USP40: variants seen among roughly 807,000 people sequenced by gnomAD.
USP40 encodes ubiquitin specific peptidase 40, also known as ubiquitin carboxyl-terminal hydrolase 40.
Under a neutral mutation model 166.2 loss-of-function variants are expected in USP40, and 143 were observed. That is an observed-to-expected ratio of 0.86 (90% confidence interval 0.75 to 0.99). USP40 has a LOEUF of 0.99. Among genes scored for constraint, USP40 ranks in the 50% least tolerant of loss-of-function variants. The pLI is 0.00. For synonymous variants in USP40, 498 were observed against 524.0 expected (o/e 0.95, Z 0.68); for missense variants, 1,444 against 1,479.7 (o/e 0.98, Z 0.40).
intron 18 of USP40, among the ~76,000 whole-genome samples, chr2:233,517,626 G>A (rs1162358896): frequency 1.3e-5 from 2 of 151,856 alleles, no homozygotes; most frequent in African/African-American, 4.8e-5. Context: ...TGACCTTGTG[G>A]TCTCCCCGCC....
intron 30 of USP40, 94 bp downstream of exon 30, chr2:233,485,437 A>T: frequency 1.0e-6 from 1 of 969,850 alleles, no homozygotes; most frequent in Non-Finnish European, 1.6e-6. Flanking sequence ...AAAATGGGAT[A>T]ATCTGTGTCT....
chr2:233,501,255 G>GCA, intron 21 of USP40, among the ~76,000 whole-genome samples: 2 of 152,304 alleles, frequency 1.3e-5, no homozygotes, highest in South Asian at 4.1e-4. Flanking sequence ...GAAACAGCAA[G>GCA]AAGGCCAGTG....
intron 30 of USP40, among the ~76,000 whole-genome samples, chr2:233,482,460 G>A (rs534256993): frequency 1.1e-4 from 16 of 152,192 alleles, no homozygotes; most frequent in African/African-American, 3.6e-4. Context: ...ACCTATGGGC[G>A]AGTTATTCTA....
intron 3 of USP40, chr2:233,560,749 C>T: frequency 2.5e-6 from 1 of 398,220 alleles, no homozygotes; most frequent in East Asian, 3.8e-5. Context: ...ATAATTAACT[C>T]ATTACTCAAT....
At position 233,477,452 on chromosome 2, in the gene USP40, C is replaced by T. The variant is rs192383732; in HGVS notation, c.3651G>A (p.Thr1217=). The T allele has an allele frequency of 2.8e-4, 456 of 1,613,726 alleles. 1 individual carries two copies. The Admixed American group carries it at 6.9e-3, about 25-fold the overall frequency. The change falls in exon 32 of 32, where the codon ACG becomes ACA. Residue 1217 remains threonine, a synonymous_variant. Coordinates refer to ENST00000678225, the MANE Select transcript of USP40 (RefSeq NM_001365479.2). ...TTTCCGGGGCTCGGGGCCGGGCAGG[C>T]GTCTCTGCACTGGAGAGGATGTAGC... is the stretch of plus-strand genomic sequence containing the variant. ...QSSYILSSAE[T]PARPRAPETS...
chr2:233,505,542 T>C (rs926163857), intron 21 of USP40, among the ~76,000 whole-genome samples: 6 of 152,144 alleles, frequency 3.9e-5, no homozygotes, highest in African/African-American at 1.4e-4. Flanking sequence ...GAGACTATTA[T>C]GAACAACTAC....
rs2070523217 is a variant in USP40 at position 233,551,218 on chromosome 2, C to A, written c.837+158G>T. 2.0e-5 allele frequency among the ~76,000 whole-genome samples: 3 copies of A among 152,304 alleles called. No individual in the cohort carries two copies. The South Asian group carries it at 6.2e-4, about 32-fold the overall frequency. On this transcript the variant is annotated intron_variant, in intron 7 of 31. Coordinates refer to ENST00000678225, the MANE Select transcript of USP40 (RefSeq NM_001365479.2). Reference sequence around the variant, plus strand: ...AGGGATGCTGCTAAACACCCTAATGCATGAGACAGTCTCCCACAACAAAGA... The same window carrying A: ...AGGGATGCTGCTAAACACCCTAATGAATGAGACAGTCTCCCACAACAAAGA...
Position 233,559,900 on chromosome 2 carries a change from G to A in USP40, c.292C>T (p.Gln98Ter). ...AGCAGAAGCTGAGCAAACAAGCGCT[G>A]TAACTGTAAAGGGATGATTCGAACC... ...AKVRIIPLQL[Q>*]RLFAQLLLLD... Residue 98 changes from glutamine (Q) to a stop codon, truncating the protein, a stop_gained, in exon 4 of 32, where the codon CAG (glutamine) becomes TAG (stop). Transcript: ENST00000678225. LOFTEE classifies it high-confidence loss of function. 12 of 1,607,850 alleles carry A rather than the reference G, an allele frequency of 7.5e-6. No individual in the cohort carries two copies. Among genetic ancestry groups the A allele is most frequent in the Non-Finnish European group, 9.3e-6 (11 of 1,177,232 alleles).
chr2:233,494,965 TATATATATATATATAC>T (rs1559224449), intron 24 of USP40, among the ~76,000 whole-genome samples: 2 of 72,778 alleles, frequency 2.7e-5, no homozygotes, highest in African/African-American at 1.5e-4. Context: ...TTTATATATA[TATATATATATATATAC>T]ACACACATAA....
In USP40 at chr2:233,480,656, G is replaced by T. The variant is rs2125021658; in HGVS notation, c.3599+547C>A. On this transcript the variant is annotated intron_variant, in intron 31 of 31. Coordinates refer to ENST00000678225, the MANE Select transcript of USP40 (RefSeq NM_001365479.2). The surrounding 1 kb of genome is among the most constrained non-coding windows in gnomAD (Gnocchi z 4.5). The stretch of plus-strand genomic sequence containing the variant: ...AGGAGGGAGAGAGGCAAGGAGTCCT[G>T]AGCAGAGGTAGAAGATGGCCTGTGG... 1.3e-5 allele frequency among the ~76,000 whole-genome samples: 2 copies of T among 152,350 alleles called. No homozygotes were observed. Among genetic ancestry groups the T allele is most frequent in the South Asian group, 4.1e-4 (2 of 4,824 alleles).
rs1392363664 is a variant in USP40, at chr2:233,480,915, C to T, written c.3599+288G>A. ...GCCAAGAGCCAGGCAGAGGGTGAGG[C>T]TGCGGGTGAGGAGGAAGGAGGGGGA... On this transcript the variant is annotated intron_variant, in intron 31 of 31. Coordinates refer to ENST00000678225, the MANE Select transcript of USP40 (RefSeq NM_001365479.2). This position sits in a 1 kb window ranked among gnomAD's most constrained non-coding sequence, Gnocchi z 4.5. Among the ~76,000 whole-genome samples the T allele has an allele frequency of 2.0e-5, 3 of 152,064 alleles. No individual in the cohort carries two copies. Among genetic ancestry groups the T allele is most frequent in the Admixed American group, 6.5e-5 (1 of 15,270 alleles).
At chr2:233,506,348 C>T (rs1320116555) in intron 21 of USP40, among the ~76,000 whole-genome samples, 1 of 152,114 alleles carries the variant, frequency 6.6e-6, no homozygotes, top group Non-Finnish European at 1.5e-5. Flanking sequence ...CAAAAATCAA[C>T]TCAAAATGGT....
rs781757845 is a variant in USP40 at position 233,527,521 on chromosome 2, C to G, written c.1611G>C (p.Gln537His). The change falls in exon 13 of 32, where the codon CAG becomes CAC. Residue 537 changes from glutamine to histidine, a missense_variant. Transcript: ENST00000678225. ...GCAGAGCCCCATTGAAGAAATGATA[C>G]TGAGGGCCCAGGTGAAGATGCAATT... Reference protein sequence around the residue: ...TFELHLHLGPQYHFFNGALHP... With the variant: ...TFELHLHLGPHYHFFNGALHP... 1.2e-6 allele frequency: 2 copies of G among 1,613,596 alleles called. No homozygotes were observed. The highest frequency in any genetic ancestry group is 1.7e-6 in the Non-Finnish European group (2 of 1,179,734).
intron 15 of USP40, 30 bp downstream of exon 15, chr2:233,524,462 C>A: frequency 6.3e-7 from 1 of 1,582,432 alleles, no homozygotes; most frequent in Non-Finnish European, 8.6e-7. Context: ...CCAAAATTAT[C>A]ACGAATATTT....
intron 4 of USP40, among the ~76,000 whole-genome samples, chr2:233,557,455 A>G (rs1206793583): frequency 6.6e-6 from 1 of 152,258 alleles, no homozygotes; most frequent in East Asian, 1.9e-4. Flanking sequence ...TACTGCTTTG[A>G]AGTAAAAACA....
chr2:233,525,155 A>T (rs1470450642), intron 14 of USP40, among the ~76,000 whole-genome samples: 3 of 152,246 alleles, frequency 2.0e-5, no homozygotes, highest in African/African-American at 7.2e-5. Context: ...AATATGATTC[A>T]GATGGTTTGA....
intron 10 of USP40, among the ~76,000 whole-genome samples, chr2:233,535,784 A>C (rs2068893040): frequency 6.6e-6 from 1 of 152,202 alleles, no homozygotes; most frequent in South Asian, 2.1e-4. Context: ...AAGGATACAA[A>C]GCCTCAATTC....
At chr2:233,512,524 C>A in intron 19 of USP40, 45 bp downstream of exon 19, 7 of 1,401,988 alleles carry the variant, frequency 5.0e-6, no homozygotes, top group South Asian at 2.9e-5. Context: ...TCAAGAAAGA[C>A]AGACGAGTAT....
chr2:233,551,313 G>T, intron 7 of USP40, 63 bp downstream of exon 7: 1 of 1,503,700 alleles, frequency 6.7e-7, no homozygotes, highest in Non-Finnish European at 8.9e-7. Flanking sequence ...TGAAAATCGG[G>T]TCAATAATAG....
Sources: allele counts gnomAD v4.1 joint callset (sites outside exome capture counted in the v4.1 genomes callset), GRCh38; gene constraint gnomAD v4.1.1; non-coding constraint Gnocchi (gnomAD v3.1); transcripts MANE v1.5; gene names NCBI Gene and HGNC (gene_info 2026-07-23, HGNC 2026-07-21).